Variants in MYOCD observed in about 807,000 individuals in gnomAD.
MYOCD encodes myocardin.
A neutral mutation model predicts 96.1 loss-of-function variants in MYOCD; 32 were observed. The ratio of observed to expected loss-of-function variants is 0.33; its 90% confidence interval spans 0.25 to 0.45. The LOEUF (loss-of-function observed/expected upper bound fraction) is 0.45. Among genes scored for constraint, MYOCD ranks in the 20% least tolerant of loss-of-function variants. The probability of loss-of-function intolerance (pLI) is 1.00; values close to 1 mark genes in which losing one functional copy is unlikely to be tolerated. For synonymous variants in MYOCD, 469 were observed against 469.0 expected, an observed-to-expected ratio of 1.00 and a Z score of 0.00; for missense variants, 1,133 against 1,200.6, an observed-to-expected ratio of 0.94 and a Z score of 0.83.
chr17:12,742,725 C>G (rs1430887681), intron 7 of MYOCD, among the ~76,000 whole-genome samples: 1 of 152,010 alleles, frequency 6.6e-6, no homozygotes, highest in Non-Finnish European at 1.5e-5. Context: ...CATCTACCAC[C>G]AAGCCCAGCT....
At chr17:12,690,848 A>G (rs1016506491) in intron 1 of MYOCD, among the ~76,000 whole-genome samples, 1 of 152,228 alleles carries the variant, frequency 6.6e-6, no homozygotes, top group African/African-American at 2.4e-5. Flanking sequence ...ATTGAGACTG[A>G]GATCCAGCAA....
intron 1 of MYOCD, among the ~76,000 whole-genome samples, chr17:12,696,341 C>T (rs1567575811): frequency 6.6e-6 from 1 of 152,118 alleles, no homozygotes; most frequent in Non-Finnish European, 1.5e-5. Context: ...GGTGTCACTT[C>T]CCCCTTTTGG....
rs531900557 is a variant in MYOCD at position 12,719,835 on chromosome 17, C to A, written c.253+2414C>A. The stretch of plus-strand genomic sequence containing the variant: ...TGAGCCGAGATCGTGCCATTGCACT[C>A]CAGCCTGGGTGACAAGAGCGAGACT... On this transcript the variant is annotated intron_variant, in intron 4 of 13. Coordinates refer to ENST00000425538, the MANE Select transcript of MYOCD (RefSeq NM_001146312.3). Among the ~76,000 whole-genome samples the A allele has an allele frequency of 2.1e-5, 3 of 145,942 alleles. No homozygotes were observed. In the East Asian group the frequency reaches 6.0e-4, roughly 29 times the overall value.
intron 1 of MYOCD, among the ~76,000 whole-genome samples, chr17:12,679,845 GTAGGGTAGGTACCTTTTTA>G (rs1333194233): frequency 6.6e-6 from 1 of 152,200 alleles, no homozygotes; most frequent in Non-Finnish European, 1.5e-5. Flanking sequence ...TTGAGAAATT[GTAGGGTAGGTACCTTTTTA>G]TATCCATGTT....
intron 6 of MYOCD, 77 bp downstream of exon 6, chr17:12,736,413 C>A: frequency 7.0e-7 from 1 of 1,429,754 alleles, no homozygotes; most frequent in Non-Finnish European, 9.6e-7. Context: ...AACATCAACA[C>A]TGTTAACAGC....
At chr17:12,762,837 C>A (rs999578541) in intron 13 of MYOCD, 31 of 505,090 alleles carry the variant, frequency 6.1e-5, no homozygotes, top group African/African-American at 5.7e-4. Context: ...AGGCCAGGAA[C>A]CTTCAGAGAA....
intron 8 of MYOCD, among the ~76,000 whole-genome samples, chr17:12,745,122 G>A (rs1024253423): frequency 6.6e-6 from 1 of 152,214 alleles, no homozygotes; most frequent in African/African-American, 2.4e-5. Flanking sequence ...GCAGCTGACA[G>A]ACACTCTCAA....
intron 8 of MYOCD, among the ~76,000 whole-genome samples, chr17:12,744,950 A>C (rs4462640): frequency 6.6e-6 from 1 of 152,240 alleles, no homozygotes; most frequent in African/African-American, 2.4e-5. Context: ...AACTGCCAAT[A>C]GGTGGAGGGA....
Position 12,758,171 on chromosome 17 carries a change from A to C in MYOCD, c.2289A>C (p.Ser763=). ...PTFSKSSSAI[S]EVTQPPSYED... is the part of the protein sequence containing the mutation. ...TTTCTAAGTCAAGTTCAGCAATTTCAGAGGTAACACAGCCTCCATCCTATG... is the reference window on the plus strand; with the variant it reads ...TTTCTAAGTCAAGTTCAGCAATTTCCGAGGTAACACAGCCTCCATCCTATG... Residue 763 remains serine, a synonymous_variant, in exon 12 of 14, where the codon TCA becomes TCC. Coordinates refer to ENST00000425538, the MANE Select transcript of MYOCD (RefSeq NM_001146312.3). 3 of 1,614,214 alleles carry C rather than the reference A, an allele frequency of 1.9e-6. No homozygotes were observed. Among genetic ancestry groups the C allele is most frequent in the Non-Finnish European group, 2.5e-6 (3 of 1,180,030 alleles).
At chr17:12,673,554 T>C (rs1399328145) in intron 1 of MYOCD, among the ~76,000 whole-genome samples, 3 of 152,202 alleles carry the variant, frequency 2.0e-5, no homozygotes, top group Non-Finnish European at 2.9e-5. Flanking sequence ...TTTCCACTTG[T>C]ATTGGAAAAT....
At chr17:12,680,895 GA>G (rs1423237866) in intron 1 of MYOCD, among the ~76,000 whole-genome samples, 4 of 151,958 alleles carry the variant, frequency 2.6e-5, no homozygotes, top group African/African-American at 7.3e-5. Context: ...AGAGGGTTTT[GA>G]TGAGGTTCCC....
chr17:12,757,990 A>C, intron 11 of MYOCD, 95 bp from the exon 12 acceptor site: 1 of 964,808 alleles, frequency 1.0e-6, no homozygotes, highest in Non-Finnish European at 1.6e-6. Context: ...TCTTAGATCA[A>C]TTTTTCCAAA....
In MYOCD at chr17:12,765,453, G is replaced by T. The variant is rs1173835125; in HGVS notation, c.*1809G>T. The T allele has an allele frequency of 8.5e-5, 13 of 152,254 alleles. No individual in the cohort carries two copies. The highest frequency in any genetic ancestry group is 8.5e-4 in the Admixed American group (13 of 15,290). The allele number at this position is 152,254 out of a possible 1,614,324, so 9.4% of individuals were successfully genotyped here. The stretch of plus-strand genomic sequence containing the variant: ...TAACTTGTAAAAATGTGTGAACACA[G>T]AGAGTTTTTGGTGATTGCTACTCTG... On this transcript the variant is annotated 3_prime_UTR_variant, in exon 14 of 14. Transcript: ENST00000425538.
rs1421233640 is a variant in MYOCD at position 12,717,361 on chromosome 17, A to G, written c.193A>G (p.Lys65Glu). The change falls in exon 4 of 14, where the codon AAG becomes GAG. Residue 65 changes from lysine (K) to glutamate (E), a missense_variant. Transcript: ENST00000425538. ...GGTTCTACAGGCTAAAAATTCCCTGAAGCGCAAAGCCAGAAACAGGTGCAA... is the reference window on the plus strand; with the variant it reads ...GGTTCTACAGGCTAAAAATTCCCTGGAGCGCAAAGCCAGAAACAGGTGCAA... ...LDSDKAKNSL[K>E]RKARNRCNSA... The G allele has an allele frequency of 6.2e-7, 1 of 1,614,044 alleles. No individual in the cohort carries two copies. Among genetic ancestry groups the G allele is most frequent in the Non-Finnish European group, 8.5e-7 (1 of 1,179,938 alleles).
At chr17:12,697,560 C>G (rs549192849) in intron 1 of MYOCD, among the ~76,000 whole-genome samples, 2 of 151,328 alleles carry the variant, frequency 1.3e-5, no homozygotes, top group African/African-American at 4.8e-5. Flanking sequence ...GATGGGGTTT[C>G]TTCACGTTAG....
intron 1 of MYOCD, among the ~76,000 whole-genome samples, chr17:12,678,694 A>G (rs1423042312): frequency 6.6e-6 from 1 of 151,698 alleles, no homozygotes; most frequent in African/African-American, 2.4e-5. Flanking sequence ...TCTTCTTATT[A>G]TTATTTATTA....
At chr17:12,702,588 GT>G (rs1334904892) in intron 1 of MYOCD, among the ~76,000 whole-genome samples, 6 of 151,786 alleles carry the variant, frequency 4.0e-5, no homozygotes, top group Admixed American at 6.6e-5. Flanking sequence ...TATATTACTT[GT>G]TTTTTGTTTG....
chr17:12,739,777 T>C (rs2032453203), intron 7 of MYOCD, among the ~76,000 whole-genome samples: 1 of 152,214 alleles, frequency 6.6e-6, no homozygotes, highest in Non-Finnish European at 1.5e-5. Context: ...ACCACGGGGT[T>C]TCATTCATAG....
intron 10 of MYOCD, among the ~76,000 whole-genome samples, chr17:12,755,858 T>C (rs2032997437): frequency 6.6e-6 from 1 of 151,818 alleles, no homozygotes; most frequent in Non-Finnish European, 1.5e-5. Flanking sequence ...GGCGACAGAG[T>C]GAGACTCCGT....
Sources: gnomAD v4.1 joint callset for allele counts (sites outside exome capture counted in the v4.1 genomes callset) on GRCh38, gnomAD v4.1.1 for gene constraint, MANE v1.5 for transcripts, NCBI Gene and HGNC (gene_info 2026-07-23, HGNC 2026-07-21) for gene names.